LHFPL6: variants seen among roughly 807,000 people sequenced by gnomAD.
The protein encoded by LHFPL6 is LHFPL tetraspan subfamily member 6 protein.
In LHFPL6, 9 loss-of-function variants were observed where a neutral mutation model predicts 20.6. The ratio of observed to expected loss-of-function variants is 0.44; its 90% CI spans 0.26 to 0.76. LHFPL6 has a LOEUF of 0.76. LHFPL6 is among the 30% of genes least tolerant of loss of function. LHFPL6 has a pLI of 0.20. For synonymous variants in LHFPL6, 105 were observed against 98.7 expected, an observed-to-expected ratio of 1.06 and a Z score of -0.38; for missense variants, 218 against 253.5, an observed-to-expected ratio of 0.86 and a Z score of 0.95.
chr13:39,576,810 AT>A (rs10716031), intron 2 of LHFPL6, among the ~76,000 whole-genome samples: 43,665 of 151,752 alleles, frequency 0.29, 6,400 homozygotes, highest in Middle Eastern at 0.37. Context: ...ATTTAAACAA[AT>A]TTTTTTTCTA....
chr13:39,590,233 C>T (rs1872557255), intron 2 of LHFPL6, among the ~76,000 whole-genome samples: 1 of 152,288 alleles, frequency 6.6e-6, no homozygotes, highest in Non-Finnish European at 1.5e-5. Flanking sequence ...GATCAAGGGT[C>T]CCTTCAGGGT....
chr13:39,437,554 T>C (rs912117154), intron 2 of LHFPL6, among the ~76,000 whole-genome samples: 2 of 152,284 alleles, frequency 1.3e-5, no homozygotes, highest in Admixed American at 6.5e-5. Flanking sequence ...CACGAACCAA[T>C]GAAATATTTT....
At chr13:39,434,949 G>A (rs1262519055) in intron 2 of LHFPL6, among the ~76,000 whole-genome samples, 1 of 151,042 alleles carries the variant, frequency 6.6e-6, no homozygotes, top group Non-Finnish European at 1.5e-5. Flanking sequence ...CCAGCTACTC[G>A]GGAGGCTGAG....
At chr13:39,389,637 AG>A (rs1418533405) in intron 2 of LHFPL6, among the ~76,000 whole-genome samples, 1 of 152,116 alleles carries the variant, frequency 6.6e-6, no homozygotes, top group African/African-American at 2.4e-5. Flanking sequence ...TGACCATCAG[AG>A]CAACGCACAC....
intron 3 of LHFPL6, among the ~76,000 whole-genome samples, chr13:39,352,913 A>ATATATATGTG (rs1293698518): frequency 1.3e-4 from 7 of 53,998 alleles, no homozygotes; most frequent in East Asian, 8.4e-4. Context: ...ATATAAATGT[A>ATATATATGTG]TATATATATA....
At chr13:39,559,497 C>T (rs187042643) in intron 2 of LHFPL6, among the ~76,000 whole-genome samples, 127 of 152,296 alleles carry the variant, frequency 8.3e-4, no homozygotes, top group African/African-American at 2.8e-3. Flanking sequence ...AGTGATGACG[C>T]GGAGCTCCGT....
intron 2 of LHFPL6, among the ~76,000 whole-genome samples, chr13:39,406,689 T>C (rs1871119052): frequency 6.6e-6 from 1 of 152,218 alleles, no homozygotes; most frequent in Non-Finnish European, 1.5e-5. Flanking sequence ...ATCACAGTGT[T>C]CAATGAAAAT....
At chr13:39,562,505 CA>C (rs1871544732) in intron 2 of LHFPL6, among the ~76,000 whole-genome samples, 1 of 145,218 alleles carries the variant, frequency 6.9e-6, no homozygotes, top group African/African-American at 2.5e-5. Context: ...TACATATATA[CA>C]TATATACATA....
chr13:39,542,332 A>C (rs1870833811), intron 2 of LHFPL6, among the ~76,000 whole-genome samples: 1 of 152,114 alleles, frequency 6.6e-6, no homozygotes, highest in Admixed American at 6.6e-5. Context: ...TAGTGACAGA[A>C]ATTACCCAAA....
At chr13:39,401,678 C>G (rs1019290427) in intron 2 of LHFPL6, among the ~76,000 whole-genome samples, 3 of 152,224 alleles carry the variant, frequency 2.0e-5, no homozygotes, top group Admixed American at 2.0e-4. Context: ...CCTTTCCTAA[C>G]TTGCCAATAC....
At chr13:39,358,342 T>C (rs986857275) in intron 3 of LHFPL6, among the ~76,000 whole-genome samples, 4 of 152,180 alleles carry the variant, frequency 2.6e-5, no homozygotes, top group Non-Finnish European at 5.9e-5. Flanking sequence ...TGGCTATCCA[T>C]ATGCAGAGGA....
intron 2 of LHFPL6, among the ~76,000 whole-genome samples, chr13:39,528,996 C>T (rs1870375685): frequency 6.6e-6 from 1 of 152,214 alleles, no homozygotes; most frequent in African/African-American, 2.4e-5. Flanking sequence ...TTTAAGACAG[C>T]TGGAGGGCAA....
At chr13:39,388,108 CAG>C (rs1870614980) in intron 2 of LHFPL6, among the ~76,000 whole-genome samples, 1 of 152,170 alleles carries the variant, frequency 6.6e-6, no homozygotes, top group South Asian at 2.1e-4. Flanking sequence ...AAATATAAAA[CAG>C]AAATATGATA....
intron 2 of LHFPL6, among the ~76,000 whole-genome samples, chr13:39,431,470 T>G (rs1027642823): frequency 2.6e-5 from 4 of 152,206 alleles, no homozygotes; most frequent in Non-Finnish European, 5.9e-5. Flanking sequence ...AAACTCATAC[T>G]TCCAGCACAT....
At chr13:39,430,120 C>T (rs1441682200) in intron 2 of LHFPL6, among the ~76,000 whole-genome samples, 1 of 152,212 alleles carries the variant, frequency 6.6e-6, no homozygotes, top group Non-Finnish European at 1.5e-5. Context: ...GATTTAAATA[C>T]TACTGCAGTG....
Position 39,512,375 on chromosome 13 carries a change from T to C in LHFPL6, c.385+88457A>G, listed in dbSNP as rs919986628. 8.6e-5 allele frequency among the ~76,000 whole-genome samples: 13 copies of C among 151,996 alleles called. 1 individual carries two copies. The highest frequency in any genetic ancestry group is 3.1e-4 in the African/African-American group (13 of 41,392). On this transcript the variant is annotated intron_variant, in intron 2 of 3. Transcript: ENST00000379589. ...CCCAGCACTTTGGGAGGCGGAGGCG[T>C]GTGGATCACGAGGTCAGGTGATCGA...
intron 2 of LHFPL6, among the ~76,000 whole-genome samples, chr13:39,569,459 A>C (rs537820215): frequency 6.6e-6 from 1 of 152,326 alleles, no homozygotes; most frequent in African/African-American, 2.4e-5. Flanking sequence ...AATACAGGTC[A>C]ATAATTTTAT....
At chr13:39,521,945 T>C (rs1177207459) in intron 2 of LHFPL6, among the ~76,000 whole-genome samples, 11 of 152,192 alleles carry the variant, frequency 7.2e-5, no homozygotes, top group Admixed American at 7.2e-4. Flanking sequence ...AAAGTGGCCC[T>C]GTCACTATTC....
chr13:39,448,613 T>C (rs1872357046), intron 2 of LHFPL6, among the ~76,000 whole-genome samples: 1 of 152,250 alleles, frequency 6.6e-6, no homozygotes, highest in African/African-American at 2.4e-5. Context: ...GATTTAAATA[T>C]GGAAAAGCCT....
Sources: allele counts gnomAD v4.1 joint callset (sites outside exome capture counted in the v4.1 genomes callset), GRCh38; gene constraint gnomAD v4.1.1; transcripts MANE v1.5; gene names NCBI Gene and HGNC (gene_info 2026-07-23, HGNC 2026-07-21).